COL4A3: variants seen among roughly 807,000 people sequenced by gnomAD.
COL4A3 encodes collagen alpha-3(IV) chain.
A neutral mutation model predicts 217.4 loss-of-function variants in COL4A3; 135 were observed. The observed-to-expected ratio is 0.62, with a 90% CI of 0.54 to 0.72. The LOEUF is 0.72. Among genes scored for constraint, COL4A3 ranks in the 30% least tolerant of loss-of-function variants. The pLI is 0.00. For missense variants in COL4A3, 1,868 were observed against 2,119.9 expected (o/e 0.88, Z 2.33); for synonymous variants, 690 against 736.3 (o/e 0.94, Z 1.02).
intron 1 of COL4A3, among the ~76,000 whole-genome samples, chr2:227,216,033 C>T (rs1308925671): frequency 6.6e-6 from 1 of 152,080 alleles, no homozygotes; most frequent in Non-Finnish European, 1.5e-5. Flanking sequence ...TAGTCAAATT[C>T]ATAGAGACAG....
At chr2:227,239,016 A>G (rs750054324) in intron 2 of COL4A3, among the ~76,000 whole-genome samples, 13 of 152,178 alleles carry the variant, frequency 8.5e-5, no homozygotes, top group Non-Finnish European at 1.6e-4. Context: ...GTGTGCACAC[A>G]CACAATGTAA....
intron 1 of COL4A3, among the ~76,000 whole-genome samples, chr2:227,180,261 G>C (rs1216264314): frequency 6.6e-6 from 1 of 152,208 alleles, no homozygotes. Context: ...GAAATCTTAT[G>C]AGATGAGGTT....
chr2:227,235,173 A>G (rs1181655098), intron 1 of COL4A3, among the ~76,000 whole-genome samples: 1 of 152,020 alleles, frequency 6.6e-6, no homozygotes, highest in African/African-American at 2.4e-5. Context: ...GAGGACTTGC[A>G]TTTCTGAGGA....
intron 18 of COL4A3, 123 bp from the exon 19 acceptor site, chr2:227,259,670 T>C (rs1482858731): frequency 9.4e-6 from 7 of 743,324 alleles, no homozygotes; most frequent in East Asian, 2.5e-5. Context: ...CATGTAAACC[T>C]ATGAATTCAG....
At chr2:227,231,345 A>G (rs893412925) in intron 1 of COL4A3, among the ~76,000 whole-genome samples, 2 of 150,840 alleles carry the variant, frequency 1.3e-5, no homozygotes, top group East Asian at 3.9e-4. Flanking sequence ...TATACCAATC[A>G]GTTTTCTTTT....
intron 28 of COL4A3, among the ~76,000 whole-genome samples, chr2:227,279,242 C>T (rs200207764): frequency 6.9e-6 from 1 of 144,416 alleles, no homozygotes; most frequent in East Asian, 2.1e-4. Flanking sequence ...CCATGCCTGG[C>T]TAGTTTTTTT....
intron 28 of COL4A3, among the ~76,000 whole-genome samples, chr2:227,279,257 TTG>T (rs776616900): frequency 7.3e-5 from 11 of 151,672 alleles, no homozygotes; most frequent in South Asian, 2.1e-4. Context: ...TTTTTTGTTG[TTG>T]TTTTTTTTGT....
intron 1 of COL4A3, among the ~76,000 whole-genome samples, chr2:227,199,632 C>G (rs1357231710): frequency 6.6e-6 from 1 of 152,152 alleles, no homozygotes; most frequent in African/African-American, 2.4e-5. Flanking sequence ...TCTGCATTGT[C>G]GTCCATAACC....
rs1461260792 is a variant in COL4A3, at chr2:227,206,407, G to A, written c.88-31561G>A. On this transcript the variant is annotated intron_variant, in intron 1 of 51. Transcript: ENST00000396578. Reference sequence around the variant, plus strand: ...GATTCTAATGTGCAAGGAGGTTCTCGGAAAAATTGAAAAATCATCTTAGAC... The same window carrying A: ...GATTCTAATGTGCAAGGAGGTTCTCAGAAAAATTGAAAAATCATCTTAGAC... Among the ~76,000 whole-genome samples the A allele has an allele frequency of 3.3e-5, 5 of 152,150 alleles. No individual in the cohort carries two copies. The South Asian group carries it at 6.2e-4, about 19-fold the overall frequency.
intron 5 of COL4A3, 161 bp from the exon 6 acceptor site, chr2:227,245,793 G>GT: frequency 1.4e-6 from 1 of 695,670 alleles, no homozygotes; most frequent in East Asian, 2.7e-5. Context: ...TTAGTTTGTT[G>GT]CTACTGAAAT....
At position 227,282,240 on chromosome 2, in the gene COL4A3, C is replaced by A; in HGVS notation, c.2489-125C>A. The A allele has an allele frequency of 5.0e-6, 2 of 397,888 alleles. No homozygotes were observed. The highest frequency in any genetic ancestry group is 7.7e-5 in the South Asian group (1 of 12,920). The allele number at this position is 397,888 out of a possible 1,614,324, so 24.6% of individuals were successfully genotyped here. On this transcript the variant is annotated intron_variant, in intron 31 of 51. Coordinates refer to ENST00000396578, the MANE Select transcript of COL4A3 (RefSeq NM_000091.5). This position sits in a 1 kb window ranked among gnomAD's most constrained non-coding sequence, Gnocchi z 4.4. ...TGAGCCGAAATCGCCCCACTGCAAT[C>A]CAGCCTAGAAGACAGAGGGAGATTC...
intron 21 of COL4A3, among the ~76,000 whole-genome samples, chr2:227,264,278 G>A (rs1273774586): frequency 6.6e-6 from 1 of 152,158 alleles, no homozygotes; most frequent in East Asian, 1.9e-4. Context: ...TGTGCCAGGG[G>A]AGAAAGAGGC....
In COL4A3 at chr2:227,251,187, T is replaced by C; in HGVS notation, c.594T>C (p.Gly198=). Residue 198 remains glycine, a synonymous_variant, in exon 10 of 52, where the codon GGT becomes GGC. Coordinates refer to ENST00000396578, the MANE Select transcript of COL4A3 (RefSeq NM_000091.5). Reference sequence around the variant, plus strand: ...TTCCTGGGCCTGTTGGCCCACCTGGTCCTCCGGGATTCTTTGTGAGTATCA... The same window carrying C: ...TTCCTGGGCCTGTTGGCCCACCTGGCCCTCCGGGATTCTTTGTGAGTATCA... The part of the protein sequence containing the change: ...PGFPGPVGPP[G]PPGFFGFPGA... 6.2e-7 allele frequency: 1 copy of C among 1,613,712 alleles called. No homozygotes were observed. Among genetic ancestry groups the C allele is most frequent in the East Asian group, 2.2e-5 (1 of 44,884 alleles).
intron 20 of COL4A3, among the ~76,000 whole-genome samples, chr2:227,261,418 T>A (rs983109780): frequency 2.0e-5 from 3 of 152,192 alleles, no homozygotes; most frequent in African/African-American, 7.2e-5. Context: ...TTCCAGCTAG[T>A]CGGGAGGCTG....
At chr2:227,255,033 C>G (rs1462916307) in intron 15 of COL4A3, among the ~76,000 whole-genome samples, 2 of 152,098 alleles carry the variant, frequency 1.3e-5, no homozygotes, top group Non-Finnish European at 2.9e-5. Context: ...AAAGAGCTAC[C>G]CTGCAGCAGA....
At chr2:227,251,829 G>A (rs1321923476) in intron 11 of COL4A3, among the ~76,000 whole-genome samples, 2 of 152,144 alleles carry the variant, frequency 1.3e-5, no homozygotes, top group African/African-American at 4.8e-5. Flanking sequence ...AGCACTTTGG[G>A]AGGCCAAGGT....
At chr2:227,174,700 T>G (rs762087426) in intron 1 of COL4A3, among the ~76,000 whole-genome samples, 8 of 151,998 alleles carry the variant, frequency 5.3e-5, no homozygotes, top group Non-Finnish European at 1.0e-4. Flanking sequence ...AGAGACGGGG[T>G]CTCACCATGT....
chr2:227,173,550 G>A (rs1199921048), intron 1 of COL4A3, among the ~76,000 whole-genome samples: 4 of 151,988 alleles, frequency 2.6e-5, no homozygotes, highest in South Asian at 2.1e-4. Flanking sequence ...CTATTACTGC[G>A]ATAGTTTTCA....
chr2:227,298,045 A>C, intron 42 of COL4A3, among the ~76,000 whole-genome samples, 186 bp downstream of exon 42: 1 of 152,182 alleles, frequency 6.6e-6, no homozygotes, highest in Admixed American at 6.5e-5. Context: ...AGGGATGCAT[A>C]GTTAATAAAT....
Sources: allele counts gnomAD v4.1 joint callset (sites outside exome capture counted in the v4.1 genomes callset), GRCh38; gene constraint gnomAD v4.1.1; non-coding constraint Gnocchi (gnomAD v3.1); transcripts MANE v1.5; gene names NCBI Gene and HGNC (gene_info 2026-07-23, HGNC 2026-07-21).